Variants in LINGO2 observed in about 807,000 individuals in gnomAD.
LINGO2 encodes leucine rich repeat and Ig domain containing 2, also known as leucine-rich repeat and immunoglobulin-like domain-containing nogo receptor-interacting protein 2.
In LINGO2, 14 loss-of-function variants were observed where a neutral mutation model predicts 30.6. That is an observed-to-expected ratio of 0.46 (90% CI 0.30 to 0.72). LINGO2 has a LOEUF of 0.72. Among genes scored for constraint, LINGO2 ranks in the 30% least tolerant of loss-of-function variants. The pLI is 0.07. For missense variants in LINGO2, 729 were observed against 751.7 expected (o/e 0.97, Z 0.35); for synonymous variants, 317 against 288.5 (o/e 1.10, Z -1.00).
intron 4 of LINGO2, among the ~76,000 whole-genome samples, chr9:28,142,157 CTTT>C (rs3064726): frequency 7.9e-4 from 108 of 135,948 alleles, no homozygotes; most frequent in Middle Eastern, 3.9e-3. Flanking sequence ...CTTTCTTTGT[CTTT>C]TTTTTTTTTT....
At chr9:29,081,765 A>G in the LINGO2 span, among the ~76,000 whole-genome samples, 1 of 152,174 alleles carries the variant, frequency 6.6e-6, no homozygotes, top group Non-Finnish European at 1.5e-5. Flanking sequence ...TGCAAAATTC[A>G]CAAGCATTCT....
chr9:28,091,453 G>T (rs577386558), intron 4 of LINGO2, among the ~76,000 whole-genome samples: 1 of 152,132 alleles, frequency 6.6e-6, no homozygotes. Context: ...AACAGGGAAA[G>T]GATTCCCTAT....
At chr9:28,628,189 C>T (rs1826771538) in intron 1 of LINGO2, among the ~76,000 whole-genome samples, 1 of 152,076 alleles carries the variant, frequency 6.6e-6, no homozygotes, top group South Asian at 2.1e-4. Flanking sequence ...CAATTCACAG[C>T]TACTGACATT....
the LINGO2 span, among the ~76,000 whole-genome samples, chr9:28,957,062 C>T: frequency 6.6e-6 from 1 of 151,952 alleles, no homozygotes; most frequent in Non-Finnish European, 1.5e-5. Flanking sequence ...TAAATTAGCT[C>T]CATTTGCCTC....
Position 28,041,142 on chromosome 9 carries a change from GA to G in LINGO2, c.-86-28738del, listed in dbSNP as rs1245491121. Among the ~76,000 whole-genome samples, 676 of 152,246 alleles carry G rather than the reference GA, an allele frequency of 4.4e-3. 7 individuals carry two copies. Among genetic ancestry groups the G allele is most frequent in the African/African-American group, 0.016 (644 of 41,534 alleles). ...TTGACTGAAAAATGTTCCCTCAAAA[GA>G]GATCCAAGACCATCTTTGTGTCTGA... is the stretch of plus-strand genomic sequence containing the variant. On this transcript the variant is annotated intron_variant, in intron 4 of 5. Coordinates refer to ENST00000379992, the Ensembl canonical transcript of LINGO2.
chr9:29,041,258 C>T, the LINGO2 span, among the ~76,000 whole-genome samples: 15 of 151,920 alleles, frequency 9.9e-5, no homozygotes, highest in African/African-American at 3.1e-4. Context: ...CAATTTTCCC[C>T]AAATTGATTT....
At chr9:28,155,846 C>T (rs1828118061) in intron 4 of LINGO2, among the ~76,000 whole-genome samples, 1 of 152,130 alleles carries the variant, frequency 6.6e-6, no homozygotes, top group Non-Finnish European at 1.5e-5. Flanking sequence ...TCATCCTTTC[C>T]ACCATGTGAG....
the LINGO2 span, among the ~76,000 whole-genome samples, chr9:28,870,164 T>A: frequency 0.41 from 61,621 of 151,834 alleles, 14,479 homozygotes; most frequent in African/African-American, 0.66. Context: ...CTCTAAACCA[T>A]ACCTGATATT....
chr9:28,686,631 A>C, the LINGO2 span, among the ~76,000 whole-genome samples: 2 of 152,028 alleles, frequency 1.3e-5, no homozygotes, highest in East Asian at 3.9e-4. Context: ...TATTTATTTT[A>C]TTTAGTTTTT....
At chr9:28,814,033 A>C in the LINGO2 span, among the ~76,000 whole-genome samples, 1 of 152,228 alleles carries the variant, frequency 6.6e-6, no homozygotes, top group Non-Finnish European at 1.5e-5. Context: ...ACTGATAACA[A>C]GCCTAGAATT....
chr9:28,931,142 C>A, the LINGO2 span, among the ~76,000 whole-genome samples: 6 of 152,142 alleles, frequency 3.9e-5, no homozygotes, highest in African/African-American at 1.4e-4. Flanking sequence ...TAGCCATATA[C>A]TCCATGGTAT....
At chr9:28,315,520 T>C (rs1309152641) in intron 3 of LINGO2, among the ~76,000 whole-genome samples, 3 of 152,228 alleles carry the variant, frequency 2.0e-5, no homozygotes, top group East Asian at 1.9e-4. Flanking sequence ...GGAAGCATTC[T>C]AGCTGACCAG....
rs192279659 is a variant in LINGO2 at position 28,507,979 on chromosome 9, T to C, written c.-364-31954A>G. 2.5e-3 allele frequency among the ~76,000 whole-genome samples: 376 copies of C among 152,196 alleles called. 2 individuals carry two copies. Among genetic ancestry groups the C allele is most frequent in the African/African-American group, 8.5e-3 (355 of 41,546 alleles). ...GCCTTTCTAATAATATATTTTGTCA[T>C]ATTTGGAAAGAAAAAAATAGGTATT... On this transcript the variant is annotated intron_variant, in intron 1 of 5. Transcript: ENST00000379992.
chr9:28,381,481 T>A (rs1266516178), intron 2 of LINGO2, among the ~76,000 whole-genome samples: 1 of 152,070 alleles, frequency 6.6e-6, no homozygotes, highest in East Asian at 1.9e-4. Flanking sequence ...TTATAACTAT[T>A]TGTGTGGGGA....
chr9:28,830,332 G>C, the LINGO2 span, among the ~76,000 whole-genome samples: 2 of 152,142 alleles, frequency 1.3e-5, no homozygotes, highest in Non-Finnish European at 2.9e-5. Flanking sequence ...TGGGGGCCAG[G>C]CAGGGGAGAA....
intron 1 of LINGO2, among the ~76,000 whole-genome samples, chr9:28,592,777 C>T (rs1028483664): frequency 1.3e-5 from 2 of 151,868 alleles, no homozygotes; most frequent in Admixed American, 6.6e-5. Context: ...GACTGAGAAA[C>T]ATAGCTTGTT....
intron 5 of LINGO2, among the ~76,000 whole-genome samples, chr9:27,980,479 GA>G (rs570827496): frequency 1.3e-5 from 2 of 152,022 alleles, no homozygotes; most frequent in Non-Finnish European, 2.9e-5. Context: ...CCAAGTTCAG[GA>G]GGCAGAATAT....
At chr9:28,443,120 GA>G (rs1275222915) in intron 2 of LINGO2, among the ~76,000 whole-genome samples, 2 of 152,248 alleles carry the variant, frequency 1.3e-5, no homozygotes, top group African/African-American at 4.8e-5. Context: ...GACGTAATAG[GA>G]AAAAGGAAGT....
chr9:28,071,557 T>C (rs953136729), intron 4 of LINGO2, among the ~76,000 whole-genome samples: 1 of 151,570 alleles, frequency 6.6e-6, no homozygotes, highest in African/African-American at 2.4e-5. Context: ...TGGTCTTAAA[T>C]GTATACATTT....
Sources: gnomAD v4.1 joint callset for allele counts (sites outside exome capture counted in the v4.1 genomes callset) on GRCh38, gnomAD v4.1.1 for gene constraint, MANE v1.5 for transcripts, NCBI Gene and HGNC (gene_info 2026-07-23, HGNC 2026-07-21) for gene names.